LAMA1: variants seen among roughly 807,000 people sequenced by gnomAD.
LAMA1 encodes laminin subunit alpha-1.
In LAMA1, 219 loss-of-function variants were observed where a neutral mutation model predicts 348.7. The observed-to-expected ratio is 0.63, with a 90% CI of 0.56 to 0.70. LAMA1 has a LOEUF of 0.70. Ranked by LOEUF, LAMA1 falls within the 30% of genes least tolerant of loss-of-function variation. LAMA1 has a pLI of 0.00. For synonymous variants in LAMA1, 1,487 were observed against 1,491.0 expected (o/e 1.00, Z 0.06); for missense variants, 3,744 against 3,888.0 (o/e 0.96, Z 0.99).
chr18:7,046,200 TA>T, intron 6 of LAMA1, 77 bp downstream of exon 6: 7 of 931,712 alleles, frequency 7.5e-6, no homozygotes, highest in Admixed American at 1.9e-5. Flanking sequence ...TTGTTTGGAA[TA>T]AAAAAGAGTA....
intron 16 of LAMA1, among the ~76,000 whole-genome samples, chr18:7,029,145 G>A (rs149240634): frequency 1.3e-5 from 2 of 152,276 alleles, no homozygotes; most frequent in Non-Finnish European, 2.9e-5. Flanking sequence ...TCCTAGACCA[G>A]AGCATCTAAA....
At chr18:7,067,576 CAAACGTTCT>C (rs2058127878) in intron 3 of LAMA1, among the ~76,000 whole-genome samples, 1 of 151,930 alleles carries the variant, frequency 6.6e-6, no homozygotes. Flanking sequence ...TGGGGTGACG[CAAACGTTCT>C]ATACCAAGGG....
chr18:7,082,189 A>G (rs957225946), intron 1 of LAMA1, among the ~76,000 whole-genome samples: 2 of 152,192 alleles, frequency 1.3e-5, no homozygotes, highest in East Asian at 1.9e-4. Context: ...CATTCTGTCA[A>G]TAAGTCCTTA....
Position 6,961,934 on chromosome 18 carries a change from A to T in LAMA1, c.7452+11T>A. On this transcript the variant is annotated intron_variant, in intron 52 of 62. Transcript: ENST00000389658. ...GAAACTCATTTGAACATTAATAACAATGTTTCCTACCTCCAGTAAACAGCC... is the reference window on the plus strand; with the variant it reads ...GAAACTCATTTGAACATTAATAACATTGTTTCCTACCTCCAGTAAACAGCC... 6.2e-7 allele frequency: 1 copy of T among 1,603,040 alleles called. No individual in the cohort carries two copies. Among genetic ancestry groups the T allele is most frequent in the Non-Finnish European group, 8.5e-7 (1 of 1,169,942 alleles).
intron 3 of LAMA1, among the ~76,000 whole-genome samples, chr18:7,067,252 A>G (rs1007794354): frequency 7.3e-6 from 1 of 137,840 alleles, no homozygotes; most frequent in Non-Finnish European, 1.5e-5. Flanking sequence ...ACAATAGACA[A>G]AAACTGGAAA....
In LAMA1 at chr18:7,011,330, C is replaced by A; in HGVS notation, c.3657G>T (p.Trp1219Cys). 6.2e-7 allele frequency: 1 copy of A among 1,612,264 alleles called. No individual in the cohort carries two copies. The highest frequency in any genetic ancestry group is 8.5e-7 in the Non-Finnish European group (1 of 1,179,628). ...RQHIRAEPFY[W>C]RLPQQFQGDQ... Reference sequence around the variant, plus strand: ...CTCCTTGGAACTGCTGCGGCAGCCGCCAGTAAAACGGCTCTGCACGGATGT... The same window carrying A: ...CTCCTTGGAACTGCTGCGGCAGCCGACAGTAAAACGGCTCTGCACGGATGT... Residue 1219 changes from tryptophan (W) to cysteine (C), a missense_variant, in exon 25 of 63, where the codon TGG becomes TGT. Transcript: ENST00000389658.
At chr18:7,106,608 T>C (rs1361335429) in intron 1 of LAMA1, among the ~76,000 whole-genome samples, 2 of 152,038 alleles carry the variant, frequency 1.3e-5, no homozygotes, top group Non-Finnish European at 2.9e-5. Context: ...TCCACCCGCC[T>C]TGGCCCCTCC....
At chr18:7,022,821 T>C (rs1177629692) in intron 19 of LAMA1, among the ~76,000 whole-genome samples, 2 of 152,120 alleles carry the variant, frequency 1.3e-5, no homozygotes, top group African/African-American at 4.8e-5. Flanking sequence ...CTCTGAAGCA[T>C]CTCCCTTACG....
At chr18:7,054,500 G>A (rs139425026) in intron 3 of LAMA1, among the ~76,000 whole-genome samples, 2 of 152,164 alleles carry the variant, frequency 1.3e-5, no homozygotes, top group African/African-American at 4.8e-5. Context: ...CTTTCTCCAG[G>A]TGAACTGCTA....
chr18:6,978,078 A>G (rs1325843381), intron 43 of LAMA1, 118 bp downstream of exon 43: 2 of 1,401,534 alleles, frequency 1.4e-6, no homozygotes, highest in Non-Finnish European at 2.0e-6. Context: ...GCTAATCCAG[A>G]TGTTAGCATA....
At chr18:6,999,137 A>T (rs2057795839) in intron 32 of LAMA1, among the ~76,000 whole-genome samples, 1 of 152,068 alleles carries the variant, frequency 6.6e-6, no homozygotes. Context: ...CCTCTCCTGC[A>T]CTAAATCACT....
rs1418922032 is a variant in LAMA1, at chr18:6,956,252, AT to A, written c.8094+383del. ...ATTTGGCCAGAACTGGCTTTTCCTA[AT>A]GAATTGAATCTTTTTTTTTTTTTAA... On this transcript the variant is annotated intron_variant, in intron 56 of 62. Coordinates refer to ENST00000389658, the MANE Select transcript of LAMA1 (RefSeq NM_005559.4). 1.2e-5 allele frequency: 4 copies of A among 347,314 alleles called. No individual in the cohort carries two copies. In the Admixed American group the frequency reaches 1.6e-4, roughly 14 times the overall value. The allele number at this position is 347,314 out of a possible 1,614,324, so 21.5% of individuals were successfully genotyped here.
intron 45 of LAMA1, 77 bp downstream of exon 45, chr18:6,975,860 T>TTGC: frequency 1.3e-6 from 2 of 1,583,362 alleles, no homozygotes; most frequent in African/African-American, 2.7e-5. Flanking sequence ...TTTTTTTTCG[T>TTGC]CAAATAAGTG....
intron 55 of LAMA1, chr18:6,957,463 T>C (rs1202028854): frequency 6.5e-6 from 1 of 152,826 alleles, no homozygotes; most frequent in African/African-American, 2.4e-5. Flanking sequence ...CAACGCTATG[T>C]TTTATTCTTG....
intron 1 of LAMA1, among the ~76,000 whole-genome samples, chr18:7,110,537 G>A (rs1461965117): frequency 6.6e-6 from 1 of 152,114 alleles, no homozygotes; most frequent in Non-Finnish European, 1.5e-5. Flanking sequence ...AATGTGTGGT[G>A]TAGGCTGGAC....
chr18:7,059,696 T>A lies in LAMA1; in HGVS notation c.346-8760A>T, dbSNP rs57293819. On this transcript the variant is annotated intron_variant, in intron 3 of 62. Transcript: ENST00000389658. ...TCTCCGCAGGCTCTCAGGAAATCTATGGGGCTCAATACCAGGCATGACTCC... is the reference window on the plus strand; with the variant it reads ...TCTCCGCAGGCTCTCAGGAAATCTAAGGGGCTCAATACCAGGCATGACTCC... Among the ~76,000 whole-genome samples, 13 of 152,288 alleles carry A rather than the reference T, an allele frequency of 8.5e-5. No individual in the cohort carries two copies. In the South Asian group the frequency reaches 2.7e-3, roughly 32 times the overall value.
intron 1 of LAMA1, among the ~76,000 whole-genome samples, chr18:7,100,558 T>C (rs1458272050): frequency 6.6e-6 from 1 of 152,126 alleles, no homozygotes; most frequent in Non-Finnish European, 1.5e-5. Flanking sequence ...TCCAAAAACC[T>C]GAAAACAATC....
At chr18:6,985,916 G>A (rs1296971088) in intron 37 of LAMA1, among the ~76,000 whole-genome samples, 2 of 152,044 alleles carry the variant, frequency 1.3e-5, no homozygotes, top group African/African-American at 2.4e-5. Flanking sequence ...ATGCCACCAC[G>A]CCCAGCTAAT....
Position 7,037,635 on chromosome 18 carries a change from C to A in LAMA1, c.1680G>T (p.Met560Ile). ...AGTAGTACTTGGGAGCCAGTCTCTG[C>A]ATGACCGCGGTGTTGTTGATGCTGA... Reference protein sequence around the residue: ...HQVSINNTAVMQRLAPKYYWA... With the variant: ...HQVSINNTAVIQRLAPKYYWA... The change falls in exon 12 of 63, where the codon ATG becomes ATT. Residue 560 changes from methionine (M) to isoleucine (I), a missense_variant. Met to Ile is a conservative substitution (Grantham distance 10). This residue lies in a region of LAMA1 where 1,529 missense variants were observed against 1,689.4 expected (regional missense o/e 0.91). Coordinates refer to ENST00000389658, the MANE Select transcript of LAMA1 (RefSeq NM_005559.4). 2.5e-6 allele frequency: 4 copies of A among 1,614,172 alleles called. No homozygotes were observed. In the South Asian group the frequency reaches 3.3e-5, roughly 13 times the overall value.
Sources: gnomAD v4.1 joint callset for allele counts (sites outside exome capture counted in the v4.1 genomes callset) on GRCh38, gnomAD v4.1.1 for gene constraint, gnomAD v4.1.1 regional missense constraint, MANE v1.5 for transcripts, NCBI Gene and HGNC (gene_info 2026-07-23, HGNC 2026-07-21) for gene names.